Variants in PRKN observed in about 807,000 individuals in gnomAD.
PRKN encodes the protein E3 ubiquitin-protein ligase parkin.
A neutral mutation model predicts 59.5 loss-of-function variants in PRKN; 56 were observed. The observed-to-expected ratio is 0.94, with a 90% CI of 0.76 to 1.18. The LOEUF (loss-of-function observed/expected upper bound fraction) is 1.18, where lower values mean the gene tolerates loss of function less well. Ranked by LOEUF, PRKN falls within the 50% of genes most tolerant of loss-of-function variation. The probability of loss-of-function intolerance (pLI) is 0.00; values close to 1 mark genes in which losing one functional copy is unlikely to be tolerated. For synonymous variants in PRKN, 250 were observed against 222.1 expected (o/e 1.13, Z -1.12); for missense variants, 657 against 596.4 (o/e 1.10, Z -1.06).
Position 161,388,491 on chromosome 6 carries a change from GGA to G in PRKN, c.1084-1616_1084-1615del, listed in dbSNP as rs1382120120. Among the ~76,000 whole-genome samples the G allele has an allele frequency of 3.9e-5, 6 of 152,210 alleles. No homozygotes were observed. Among genetic ancestry groups the G allele is most frequent in the African/African-American group, 1.4e-4 (6 of 41,458 alleles). ...TATTCAGAGAAGGCATTTCAGCAGA[GGA>G]GAGAGTGCCATCCACAAGTATGGTG... On this transcript the variant is annotated intron_variant, in intron 9 of 11. Transcript: ENST00000366898. The surrounding 1 kb of genome is among the most constrained non-coding windows in gnomAD (Gnocchi z 4.3).
intron 3 of PRKN, among the ~76,000 whole-genome samples, chr6:162,218,208 C>T (rs1777779273): frequency 6.6e-6 from 1 of 152,190 alleles, no homozygotes. Context: ...GACCAGGCCG[C>T]TCCCTGCGGA....
chr6:161,918,846 A>G (rs1778674605), intron 6 of PRKN, among the ~76,000 whole-genome samples: 1 of 152,250 alleles, frequency 6.6e-6, no homozygotes, highest in South Asian at 2.1e-4. Context: ...GAGAACGTCT[A>G]TAATGAACAA....
intron 1 of PRKN, among the ~76,000 whole-genome samples, chr6:162,618,604 G>A (rs1782525954): frequency 6.6e-6 from 1 of 152,144 alleles, no homozygotes; most frequent in African/African-American, 2.4e-5. Context: ...GAGTTTTACT[G>A]CAGACTGATA....
rs1002027671 is a variant in PRKN, at chr6:161,952,443, C to G, written c.734+20859G>C. On this transcript the variant is annotated intron_variant, in intron 6 of 11. Transcript: ENST00000366898. ...GACCAGCCTGGCCAACATGGCAAAA[C>G]CCCATCTCTACCAAAAATACAAAAA... is the stretch of plus-strand genomic sequence containing the variant. Among the ~76,000 whole-genome samples the G allele has an allele frequency of 2.0e-5, 3 of 152,130 alleles. No homozygotes were observed. The South Asian group carries it at 6.2e-4, about 32-fold the overall frequency.
intron 1 of PRKN, among the ~76,000 whole-genome samples, chr6:162,527,597 A>C (rs1161184649): frequency 6.6e-6 from 1 of 152,194 alleles, no homozygotes; most frequent in African/African-American, 2.4e-5. Flanking sequence ...TATAAAGGTC[A>C]AACCAGTTTC....
At chr6:161,952,578 C>T (rs1484420493) in intron 6 of PRKN, among the ~76,000 whole-genome samples, 3 of 152,168 alleles carry the variant, frequency 2.0e-5, no homozygotes, top group African/African-American at 7.2e-5. Context: ...GAGATTGCAT[C>T]ATTATACTCA....
intron 1 of PRKN, among the ~76,000 whole-genome samples, chr6:162,479,248 C>T (rs12529018): frequency 0.15 from 22,357 of 149,836 alleles, 1,846 homozygotes; most frequent in Non-Finnish European, 0.17. Context: ...TTTTTTGAGA[C>T]GGTGTCATGC....
intron 5 of PRKN, among the ~76,000 whole-genome samples, chr6:162,029,573 T>C (rs988025902): frequency 2.0e-5 from 3 of 152,206 alleles, no homozygotes; most frequent in Admixed American, 2.0e-4. Flanking sequence ...ATGCCAGCGC[T>C]CTTTGCTCTG....
chr6:162,454,979 T>C (rs963374857), intron 1 of PRKN, among the ~76,000 whole-genome samples: 2 of 152,184 alleles, frequency 1.3e-5, no homozygotes, highest in Admixed American at 1.3e-4. Flanking sequence ...CGGACTGTGT[T>C]TTCAGCACGT....
At chr6:161,438,238 A>G (rs1380844170) in intron 9 of PRKN, among the ~76,000 whole-genome samples, 8 of 37,598 alleles carry the variant, frequency 2.1e-4, no homozygotes, top group African/African-American at 1.1e-3. Context: ...TTTTTTTTTG[A>G]GACAGAGTCT....
chr6:161,846,812 G>A (rs1269852322), intron 6 of PRKN, among the ~76,000 whole-genome samples: 1 of 152,124 alleles, frequency 6.6e-6, no homozygotes, highest in Middle Eastern at 3.2e-3. Context: ...TTCCAGAGGA[G>A]GAAAACCTAG....
intron 5 of PRKN, among the ~76,000 whole-genome samples, chr6:162,009,579 C>A (rs1045806520): frequency 6.6e-6 from 1 of 151,710 alleles, no homozygotes; most frequent in Non-Finnish European, 1.5e-5. Flanking sequence ...TTTTTTGTAA[C>A]CTTTGCACAC....
At chr6:162,582,779 C>T (rs1049182357) in intron 1 of PRKN, among the ~76,000 whole-genome samples, 2 of 152,112 alleles carry the variant, frequency 1.3e-5, no homozygotes, top group African/African-American at 4.8e-5. Context: ...TAAACTGTAC[C>T]TTACATGTCT....
At chr6:161,651,989 T>A (rs1784166182) in intron 7 of PRKN, among the ~76,000 whole-genome samples, 1 of 152,250 alleles carries the variant, frequency 6.6e-6, no homozygotes. Context: ...AAGTACAGAA[T>A]TCATGACACT....
chr6:162,612,206 A>C (rs1277848856), intron 1 of PRKN, among the ~76,000 whole-genome samples: 3 of 150,404 alleles, frequency 2.0e-5, no homozygotes, highest in African/African-American at 7.3e-5. Context: ...AAAAAAAAAA[A>C]AAAAAAAAGA....
intron 6 of PRKN, among the ~76,000 whole-genome samples, chr6:161,833,409 T>C (rs1316408192): frequency 6.6e-6 from 1 of 152,222 alleles, no homozygotes; most frequent in East Asian, 1.9e-4. Context: ...TAGCTTATAA[T>C]ATGAAGTGCT....
intron 6 of PRKN, among the ~76,000 whole-genome samples, chr6:161,815,770 T>C (rs1349673370): frequency 6.6e-6 from 1 of 152,024 alleles, no homozygotes; most frequent in Non-Finnish European, 1.5e-5. Flanking sequence ...CAGGTCTGTG[T>C]GTAGGGGGAA....
chr6:161,368,211 C>T (rs1437775904), intron 10 of PRKN, among the ~76,000 whole-genome samples: 1 of 150,088 alleles, frequency 6.7e-6, no homozygotes, highest in Non-Finnish European at 1.5e-5. Flanking sequence ...GTCAGGAGTT[C>T]AAGACCAGCC....
intron 4 of PRKN, among the ~76,000 whole-genome samples, chr6:162,116,844 G>A (rs1475475565): frequency 6.6e-6 from 1 of 152,182 alleles, no homozygotes; most frequent in African/African-American, 2.4e-5. Flanking sequence ...ATGGGCAAAT[G>A]TTGGAAAGGA....
Sources: allele counts gnomAD v4.1 joint callset (sites outside exome capture counted in the v4.1 genomes callset), GRCh38; gene constraint gnomAD v4.1.1; non-coding constraint Gnocchi (gnomAD v3.1); transcripts MANE v1.5; gene names NCBI Gene and HGNC (gene_info 2026-07-23, HGNC 2026-07-21).